Variants in NEGR1 observed in about 807,000 individuals in gnomAD.
NEGR1 encodes neuronal growth regulator 1.
NEGR1 carries 10 observed loss-of-function variants against 40.9 expected under a neutral mutation model. The observed-to-expected ratio is 0.24, with a 90% CI of 0.15 to 0.42. NEGR1 has a LOEUF of 0.42. Ranked by LOEUF, NEGR1 falls within the 10% of genes least tolerant of loss-of-function variation. NEGR1 has a pLI of 1.00. For missense variants in NEGR1, 352 were observed against 438.9 expected (o/e 0.80, Z 1.77); for synonymous variants, 185 against 166.8 (o/e 1.11, Z -0.84).
intron 1 of NEGR1, among the ~76,000 whole-genome samples, chr1:72,208,293 A>G (rs1653481862): frequency 6.6e-6 from 1 of 151,798 alleles, no homozygotes; most frequent in South Asian, 2.1e-4. Flanking sequence ...GCCAAAGTAC[A>G]GATAAATCAG....
At chr1:71,723,786 GGGCAAAAGTACA>G (rs1253760022) in intron 3 of NEGR1, among the ~76,000 whole-genome samples, 1 of 152,102 alleles carries the variant, frequency 6.6e-6, no homozygotes, top group Non-Finnish European at 1.5e-5. Flanking sequence ...GTAGCCAGTT[GGGCAAAAGTACA>G]GGTGTCCTCG....
chr1:72,017,126 ATG>A (rs143863573), intron 1 of NEGR1, among the ~76,000 whole-genome samples: 7,570 of 146,276 alleles, frequency 0.052, 514 homozygotes, highest in African/African-American at 0.17. Flanking sequence ...ATACACATAT[ATG>A]TGTGTGTGTG....
intron 1 of NEGR1, among the ~76,000 whole-genome samples, chr1:72,119,501 GA>G (rs1248242072): frequency 6.6e-6 from 1 of 151,948 alleles, no homozygotes; most frequent in Non-Finnish European, 1.5e-5. Flanking sequence ...AAAGCATCCT[GA>G]GGTAGAAGAA....
chr1:71,635,452 T>C (rs1651115422), intron 4 of NEGR1, among the ~76,000 whole-genome samples: 2 of 151,958 alleles, frequency 1.3e-5, no homozygotes, highest in Non-Finnish European at 2.9e-5. Flanking sequence ...TATAGAGTAC[T>C]ATAGAGTTAT....
At chr1:71,530,720 C>T (rs1199974788) in intron 6 of NEGR1, among the ~76,000 whole-genome samples, 1 of 151,160 alleles carries the variant, frequency 6.6e-6, no homozygotes, top group Non-Finnish European at 1.5e-5. Context: ...AACATTTAAC[C>T]CTAGCAACAA....
At chr1:71,771,699 C>CACAAAAAAAAA (rs551407909) in intron 3 of NEGR1, among the ~76,000 whole-genome samples, 1 of 12,088 alleles carries the variant, frequency 8.3e-5, no homozygotes, top group East Asian at 3.6e-3. Context: ...GACTTAGTCT[C>CACAAAAAAAAA]AAAAAAAAAA....
chr1:71,620,443 T>C (rs1470424316), intron 4 of NEGR1, among the ~76,000 whole-genome samples: 1 of 152,026 alleles, frequency 6.6e-6, no homozygotes, highest in Non-Finnish European at 1.5e-5. Context: ...GTGTTCAATA[T>C]ATTATTGTTT....
Position 71,846,754 on chromosome 1 carries a change from T to A in NEGR1, c.410-70457A>T, listed in dbSNP as rs1172142600. 2.6e-5 allele frequency among the ~76,000 whole-genome samples: 4 copies of A among 152,270 alleles called. No homozygotes were observed. In the East Asian group the frequency reaches 7.7e-4, roughly 29 times the overall value. ...TCTGTGCCCGGTGAGGGCCTGTTCC[T>A]TATAGGCAGTGCCTTCTTGCTGCAT... On this transcript the variant is annotated intron_variant, in intron 2 of 6. Transcript: ENST00000357731.
chr1:71,686,004 C>T (rs1476955543), intron 4 of NEGR1, among the ~76,000 whole-genome samples: 1 of 150,252 alleles, frequency 6.7e-6, no homozygotes, highest in Non-Finnish European at 1.5e-5. Flanking sequence ...TGAGCAAAAT[C>T]ATAGGTAGCC....
chr1:71,523,714 T>A (rs1204954367), intron 6 of NEGR1, among the ~76,000 whole-genome samples: 1 of 151,894 alleles, frequency 6.6e-6, no homozygotes, highest in Non-Finnish European at 1.5e-5. Context: ...TGTTTCTAAT[T>A]TCCATCATTA....
intron 1 of NEGR1, among the ~76,000 whole-genome samples, chr1:71,943,348 CA>C (rs1645989755): frequency 6.7e-6 from 1 of 150,234 alleles, no homozygotes; most frequent in Non-Finnish European, 1.5e-5. Context: ...TATATATATA[CA>C]TATATATGTA....
At chr1:71,792,846 A>G (rs1051865130) in intron 2 of NEGR1, among the ~76,000 whole-genome samples, 7 of 152,130 alleles carry the variant, frequency 4.6e-5, no homozygotes, top group Non-Finnish European at 7.4e-5. Context: ...AGAAGAAAAA[A>G]GAACTTTTCT....
chr1:71,438,895 C>T (rs1646527704), intron 6 of NEGR1, among the ~76,000 whole-genome samples: 1 of 152,168 alleles, frequency 6.6e-6, no homozygotes, highest in Non-Finnish European at 1.5e-5. Flanking sequence ...TCTTGGTACA[C>T]TCACAGGAGG....
intron 1 of NEGR1, among the ~76,000 whole-genome samples, chr1:72,059,802 A>G (rs1202741973): frequency 6.6e-6 from 1 of 151,708 alleles, no homozygotes; most frequent in Non-Finnish European, 1.5e-5. Flanking sequence ...AATTACTTTT[A>G]ATAAATGTAT....
intron 2 of NEGR1, among the ~76,000 whole-genome samples, chr1:71,803,702 A>C (rs1451288459): frequency 6.6e-6 from 1 of 152,132 alleles, no homozygotes; most frequent in Non-Finnish European, 1.5e-5. Flanking sequence ...TCTGTTTACA[A>C]ATTTTACCTT....
At chr1:71,639,640 G>C (rs938376579) in intron 4 of NEGR1, among the ~76,000 whole-genome samples, 4 of 152,018 alleles carry the variant, frequency 2.6e-5, no homozygotes, top group Admixed American at 2.6e-4. Flanking sequence ...TGTGCTGCTG[G>C]TGAGGGGGGA....
chr1:71,632,718 T>C (rs548438622), intron 4 of NEGR1, among the ~76,000 whole-genome samples: 2 of 151,928 alleles, frequency 1.3e-5, no homozygotes, highest in African/African-American at 4.8e-5. Context: ...AAAACATTTA[T>C]TGAGGATTTA....
At chr1:72,090,919 C>T (rs930799038) in intron 1 of NEGR1, among the ~76,000 whole-genome samples, 8 of 152,256 alleles carry the variant, frequency 5.3e-5, no homozygotes, top group Non-Finnish European at 8.8e-5. Flanking sequence ...ATAATGTCTC[C>T]GAAAACATTT....
At chr1:71,960,368 C>A (rs1340012045) in intron 1 of NEGR1, among the ~76,000 whole-genome samples, 1 of 152,012 alleles carries the variant, frequency 6.6e-6, no homozygotes, top group South Asian at 2.1e-4. Context: ...GTTTTGTGTG[C>A]CTTGTTTTAT....
Sources: gnomAD v4.1 joint callset for allele counts (sites outside exome capture counted in the v4.1 genomes callset) on GRCh38, gnomAD v4.1.1 for gene constraint, MANE v1.5 for transcripts, NCBI Gene and HGNC (gene_info 2026-07-23, HGNC 2026-07-21) for gene names.